KIF26B: variants seen among roughly 807,000 people sequenced by gnomAD.
KIF26B encodes the protein kinesin-like protein KIF26B.
In KIF26B, 63 loss-of-function variants were observed where a neutral mutation model predicts 151.2. That is an observed-to-expected ratio of 0.42 (90% CI 0.34 to 0.51). KIF26B has a LOEUF of 0.51. Ranked by LOEUF, KIF26B falls within the 20% of genes least tolerant of loss-of-function variation. KIF26B has a pLI of 0.07. For synonymous variants in KIF26B, 1,357 were observed against 1,262.1 expected (o/e 1.08, Z -1.59); for missense variants, 2,813 against 2,913.6 (o/e 0.97, Z 0.79).
rs545047533 is a variant in KIF26B, at chr1:245,646,904, C to T, written c.2258+624C>T. The stretch of plus-strand genomic sequence containing the variant: ...ACTACTGCTCCAATTAAATTACAGC[C>T]GCTCCTATGTCTGGCAGAGACAAAG... On this transcript the variant is annotated intron_variant, in intron 10 of 14. Transcript: ENST00000407071. Among the ~76,000 whole-genome samples, 7 of 152,126 alleles carry T rather than the reference C, an allele frequency of 4.6e-5. No homozygotes were observed. In the South Asian group the frequency reaches 8.3e-4, roughly 18 times the overall value.
chr1:245,506,826 A>G (rs1660736040), intron 4 of KIF26B, among the ~76,000 whole-genome samples: 1 of 152,124 alleles, frequency 6.6e-6, no homozygotes, highest in Non-Finnish European at 1.5e-5. Context: ...GATTACAACC[A>G]TGTAATTACA....
chr1:245,397,533 C>A (rs556113032), intron 3 of KIF26B, among the ~76,000 whole-genome samples: 2 of 152,268 alleles, frequency 1.3e-5, no homozygotes, highest in East Asian at 3.9e-4. Context: ...TCATTTCTAG[C>A]TTGTTAACTT....
chr1:245,368,084 C>T lies in KIF26B; in HGVS notation c.999+717C>T, dbSNP rs564024647. Among the ~76,000 whole-genome samples the T allele has an allele frequency of 3.3e-5, 5 of 152,272 alleles. No individual in the cohort carries two copies. The South Asian group carries it at 1.0e-3, about 32-fold the overall frequency. On this transcript the variant is annotated intron_variant, in intron 3 of 14. Transcript: ENST00000407071. ...TGATCCGTGTTGGCACTCTGCCTTC[C>T]CTGTCTATACCTTCCAAAAGAGGTG...
Position 245,540,581 on chromosome 1 carries a change from G to A in KIF26B, c.1167-186G>A, listed in dbSNP as rs1274807673. On this transcript the variant is annotated intron_variant, in intron 4 of 14. Transcript: ENST00000407071. This position sits in a 1 kb window ranked among gnomAD's most constrained non-coding sequence, Gnocchi z 4.6. ...TTGTTTTTCCTTTTGTCGTATAAAT[G>A]ATTGGGTAGCTCGTTAACTTCACTC... 1 of 724,648 alleles carries A rather than the reference G, an allele frequency of 1.4e-6. No homozygotes were observed. The highest frequency in any genetic ancestry group is 2.5e-6 in the Non-Finnish European group (1 of 393,568). 44.9% of individuals were successfully genotyped at this position (724,648 alleles called of 1,614,324 possible).
At chr1:245,577,323 T>A (rs1392968555) in intron 5 of KIF26B, among the ~76,000 whole-genome samples, 1 of 152,160 alleles carries the variant, frequency 6.6e-6, no homozygotes, top group Admixed American at 6.6e-5. Flanking sequence ...ATGTCCCCTG[T>A]CACACAGCTA....
rs1334070752 is a variant in KIF26B, at chr1:245,706,693, A to G, written c.*4087A>G. The G allele has an allele frequency of 6.6e-6, 1 of 152,226 alleles. No individual in the cohort carries two copies. The highest frequency in any genetic ancestry group is 1.5e-5 in the Non-Finnish European group (1 of 68,058). The allele number at this position is 152,226 out of a possible 1,614,324, so 9.4% of individuals were successfully genotyped here. A position where few individuals can be genotyped will look rare whatever the true frequency, so the allele number is the denominator to read the frequency against. ...TCCTGTTTGCTATTAGTTGAGGCTA[A>G]GCCGTCTGCTGCCACTGTCCCTGGG... On this transcript the variant is annotated 3_prime_UTR_variant, in exon 15 of 15. Coordinates refer to ENST00000407071, the MANE Select transcript of KIF26B (RefSeq NM_018012.4).
intron 2 of KIF26B, among the ~76,000 whole-genome samples, chr1:245,267,634 G>GCACACACACACACACACA (rs66498609): frequency 7.3e-6 from 1 of 136,234 alleles, no homozygotes; most frequent in South Asian, 2.7e-4. Context: ...GCTAAGTAAT[G>GCACACACACACACACACA]CACACACACA....
intron 4 of KIF26B, among the ~76,000 whole-genome samples, chr1:245,441,814 A>G (rs531216334): frequency 6.6e-6 from 1 of 152,362 alleles, no homozygotes; most frequent in South Asian, 2.1e-4. Flanking sequence ...ATAAAGCCTC[A>G]GTAAAGTCCG....
At chr1:245,538,587 G>A (rs375291178) in intron 4 of KIF26B, among the ~76,000 whole-genome samples, 13 of 152,082 alleles carry the variant, frequency 8.5e-5, no homozygotes, top group African/African-American at 2.4e-4. Flanking sequence ...GCTACTGCCC[G>A]TTCTAAGCTG....
At chr1:245,224,457 C>A (rs916103414) in intron 2 of KIF26B, among the ~76,000 whole-genome samples, 10 of 152,348 alleles carry the variant, frequency 6.6e-5, no homozygotes, top group Admixed American at 6.5e-4. Flanking sequence ...GGAAGAGCAA[C>A]TGACCAACTA....
chr1:245,476,650 C>A (rs1321050423), intron 4 of KIF26B, among the ~76,000 whole-genome samples: 1 of 151,522 alleles, frequency 6.6e-6, no homozygotes, highest in Non-Finnish European at 1.5e-5. Flanking sequence ...ATGCTCACAC[C>A]TCAGCCTCCC....
At chr1:245,483,411 G>T (rs1660210767) in intron 4 of KIF26B, among the ~76,000 whole-genome samples, 1 of 151,846 alleles carries the variant, frequency 6.6e-6, no homozygotes, top group South Asian at 2.1e-4. Flanking sequence ...TGACCCCAGA[G>T]CTCCAGCTCT....
intron 4 of KIF26B, among the ~76,000 whole-genome samples, chr1:245,493,771 G>A (rs1401417403): frequency 6.6e-6 from 1 of 152,180 alleles, no homozygotes; most frequent in Non-Finnish European, 1.5e-5. Flanking sequence ...TGAGAAGGCA[G>A]CAGAACTTTT....
chr1:245,455,543 AC>A (rs1162892698), intron 4 of KIF26B, among the ~76,000 whole-genome samples: 1 of 152,142 alleles, frequency 6.6e-6, no homozygotes, highest in Non-Finnish European at 1.5e-5. Flanking sequence ...ACACAAAAAA[AC>A]ATACTGCATT....
Position 245,582,793 on chromosome 1 carries a change from A to G in KIF26B, c.1351-19784A>G, listed in dbSNP as rs1191047700. On this transcript the variant is annotated intron_variant, in intron 5 of 14. Coordinates refer to ENST00000407071, the MANE Select transcript of KIF26B (RefSeq NM_018012.4). ...CTTTGAACCTGTCTCCTACTTAACA[A>G]TAATATGCCCACCTTAGAGGGCAGC... 3.9e-5 allele frequency among the ~76,000 whole-genome samples: 6 copies of G among 152,304 alleles called. No individual in the cohort carries two copies. The East Asian group carries it at 1.2e-3, about 29-fold the overall frequency.
At chr1:245,433,663 G>A (rs1184259124) in intron 4 of KIF26B, among the ~76,000 whole-genome samples, 1 of 152,134 alleles carries the variant, frequency 6.6e-6, no homozygotes, top group Non-Finnish European at 1.5e-5. Flanking sequence ...CACCATTTCT[G>A]ATAATCATCT....
At chr1:245,660,547 C>G (rs541420473) in intron 10 of KIF26B, among the ~76,000 whole-genome samples, 1 of 151,926 alleles carries the variant, frequency 6.6e-6, no homozygotes, top group Admixed American at 6.6e-5. Context: ...CACTGTGTTG[C>G]CCAGGCTGGT....
At chr1:245,559,611 A>AG (rs2042917614) in intron 5 of KIF26B, among the ~76,000 whole-genome samples, 1 of 41,372 alleles carries the variant, frequency 2.4e-5, no homozygotes, top group Non-Finnish European at 1.0e-4. Flanking sequence ...GCAGGGTTTC[A>AG]CCATGTTGGT....
chr1:245,321,060 C>G (rs1386434147), intron 2 of KIF26B, among the ~76,000 whole-genome samples: 1 of 152,166 alleles, frequency 6.6e-6, no homozygotes, highest in Non-Finnish European at 1.5e-5. Context: ...CAAAAGTGTT[C>G]TGGTTAGAAA....
Sources: gnomAD v4.1 joint callset for allele counts (sites outside exome capture counted in the v4.1 genomes callset) on GRCh38, gnomAD v4.1.1 for gene constraint, Gnocchi (gnomAD v3.1) non-coding constraint, MANE v1.5 for transcripts, NCBI Gene and HGNC (gene_info 2026-07-23, HGNC 2026-07-21) for gene names.